The following TENM2 variants were observed in gnomAD, a reference collection of about 807,000 sequenced individuals.
TENM2 encodes teneurin transmembrane protein 2.
A neutral mutation model predicts 245.2 loss-of-function variants in TENM2; 52 were observed. That is an observed-to-expected ratio of 0.21 (90% confidence interval 0.17 to 0.27). The LOEUF is 0.27. TENM2 is among the 10% of genes least tolerant of loss of function. The pLI is 1.00. For synonymous variants in TENM2, 1,363 were observed against 1,438.9 expected (o/e 0.95, Z 1.19); for missense variants, 3,046 against 3,666.8 (o/e 0.83, Z 4.37).
intron 1 of TENM2, among the ~76,000 whole-genome samples, chr5:167,364,285 G>A: frequency 6.6e-6 from 1 of 151,940 alleles, no homozygotes; most frequent in African/African-American, 2.4e-5. Context: ...GTAGTCCTTA[G>A]AGCACCACTA....
At chr5:167,392,064 C>T (rs774349181) in intron 2 of TENM2, among the ~76,000 whole-genome samples, 31 of 152,048 alleles carry the variant, frequency 2.0e-4, no homozygotes, top group Non-Finnish European at 4.1e-4. Context: ...CTGATGGCTT[C>T]CGGTGTTGGT....
intron 2 of TENM2, among the ~76,000 whole-genome samples, chr5:167,486,269 G>A (rs186994622): frequency 2.2e-4 from 33 of 151,994 alleles, no homozygotes; most frequent in Admixed American, 2.1e-3. Context: ...CTGCCCTCAG[G>A]GAGACAACAG....
chr5:168,063,742 T>C (rs1790256053), intron 7 of TENM2, among the ~76,000 whole-genome samples: 1 of 152,200 alleles, frequency 6.6e-6, no homozygotes, highest in African/African-American at 2.4e-5. Flanking sequence ...ATACCTCCCA[T>C]ATAACTCTTA....
the TENM2 span, among the ~76,000 whole-genome samples, chr5:167,075,890 G>C: frequency 6.6e-6 from 1 of 152,166 alleles, no homozygotes. Context: ...TGCTCATTTA[G>C]AGTGTCATTC....
intron 1 of TENM2, among the ~76,000 whole-genome samples, chr5:167,329,122 A>G (rs1389585082): frequency 6.6e-6 from 1 of 152,166 alleles, no homozygotes; most frequent in Non-Finnish European, 1.5e-5. Context: ...GCTTCATGCA[A>G]CAACAACCCC....
chr5:168,246,745 T>G lies in TENM2; in HGVS notation c.5818-12T>G, dbSNP rs1766608868. On this transcript the variant is annotated splice_polypyrimidine_tract_variant and intron_variant, in intron 26 of 28. Coordinates refer to ENST00000518659, the Ensembl canonical transcript of TENM2. ...CCAACTGATATGTTCTGTTCCCCTT[T>G]CCTTTCTGCAGTCCATGGTCCTCCT... The G allele has an allele frequency of 1.2e-6, 2 of 1,610,794 alleles. No individual in the cohort carries two copies. Among genetic ancestry groups the G allele is most frequent in the East Asian group, 4.5e-5 (2 of 44,806 alleles).
At chr5:168,233,583 C>T (rs1406960229) in intron 25 of TENM2, among the ~76,000 whole-genome samples, 3 of 152,220 alleles carry the variant, frequency 2.0e-5, no homozygotes, top group Non-Finnish European at 1.5e-5. Flanking sequence ...ACAGGAAGTG[C>T]ATTCAGACTA....
chr5:167,301,624 A>G (rs1406655546), intron 1 of TENM2, among the ~76,000 whole-genome samples: 2 of 152,170 alleles, frequency 1.3e-5, no homozygotes, highest in African/African-American at 4.8e-5. Context: ...AATAAAATGT[A>G]TATTGAGCAT....
intron 2 of TENM2, among the ~76,000 whole-genome samples, chr5:167,714,734 G>T (rs79607243): frequency 0.01 from 1,544 of 152,274 alleles, 32 homozygotes; most frequent in East Asian, 0.075. Context: ...CCAATCCTAT[G>T]AGGTTCTTAG....
chr5:167,939,565 A>G (rs1488441821), intron 3 of TENM2, among the ~76,000 whole-genome samples: 1 of 152,226 alleles, frequency 6.6e-6, no homozygotes, highest in East Asian at 1.9e-4. Context: ...TATCAAATAA[A>G]GTGTTTCAAT....
chr5:167,667,706 C>T (rs1403245666), intron 2 of TENM2, among the ~76,000 whole-genome samples: 1 of 152,180 alleles, frequency 6.6e-6, no homozygotes, highest in Non-Finnish European at 1.5e-5. Flanking sequence ...TCACTAATGT[C>T]CACTCCTGTT....
chr5:167,612,646 T>C (rs935755645), intron 2 of TENM2, among the ~76,000 whole-genome samples: 8 of 152,168 alleles, frequency 5.3e-5, no homozygotes, highest in Admixed American at 2.0e-4. Context: ...TTAATTTCAA[T>C]TGGACTCAGT....
chr5:167,870,781 T>G (rs992982452), intron 2 of TENM2, among the ~76,000 whole-genome samples: 2 of 151,642 alleles, frequency 1.3e-5, no homozygotes, highest in Non-Finnish European at 2.9e-5. Context: ...TCCTAGTACT[T>G]TTTTTGTTAC....
At chr5:168,220,484 G>T (rs1763574077) in intron 23 of TENM2, among the ~76,000 whole-genome samples, 1 of 152,212 alleles carries the variant, frequency 6.6e-6, no homozygotes, top group Admixed American at 6.5e-5. Flanking sequence ...AAAATGTTCA[G>T]AAGTTACATT....
intron 2 of TENM2, among the ~76,000 whole-genome samples, chr5:167,827,756 T>C (rs976527629): frequency 2.6e-5 from 4 of 151,906 alleles, no homozygotes; most frequent in African/African-American, 9.7e-5. Context: ...GAAAGAACTA[T>C]ACAAAAAGTT....
intron 2 of TENM2, among the ~76,000 whole-genome samples, chr5:167,874,276 G>T (rs1190547532): frequency 6.6e-6 from 1 of 152,130 alleles, no homozygotes; most frequent in Non-Finnish European, 1.5e-5. Context: ...TGAGGGCAGG[G>T]GTGGTGTCTT....
intron 2 of TENM2, among the ~76,000 whole-genome samples, chr5:167,538,487 G>A (rs1037501925): frequency 6.6e-6 from 1 of 152,182 alleles, no homozygotes; most frequent in Admixed American, 6.5e-5. Context: ...GTAATTAAAA[G>A]CTGTCTAGTT....
intron 1 of TENM2, among the ~76,000 whole-genome samples, chr5:167,338,849 T>G (rs1320730779): frequency 6.6e-6 from 1 of 152,190 alleles, no homozygotes; most frequent in Non-Finnish European, 1.5e-5. Context: ...CCGCTTTTGT[T>G]GCATTCACAC....
At chr5:167,305,197 C>T (rs976085930) in intron 1 of TENM2, among the ~76,000 whole-genome samples, 1 of 152,182 alleles carries the variant, frequency 6.6e-6, no homozygotes, top group Non-Finnish European at 1.5e-5. Flanking sequence ...CTGAATCTCC[C>T]ACTCACTCAT....
Sources: allele counts gnomAD v4.1 joint callset (sites outside exome capture counted in the v4.1 genomes callset), GRCh38; gene constraint gnomAD v4.1.1; transcripts MANE v1.5; gene names NCBI Gene and HGNC (gene_info 2026-07-23, HGNC 2026-07-21).